Variants in RHEX observed in about 807,000 individuals in gnomAD.
RHEX encodes the protein regulator of hemoglobinization and erythroid cell expansion, also known as regulator of hemoglobinization and erythroid cell expansion protein.
A neutral mutation model predicts 20.1 loss-of-function variants in RHEX; 18 were observed. That is an observed-to-expected ratio of 0.90 (90% CI 0.62 to 1.33). The LOEUF is 1.33. Ranked by LOEUF, RHEX falls within the 40% of genes most tolerant of loss-of-function variation. The probability of loss-of-function intolerance (pLI) is 0.00; values close to 1 mark genes in which losing one functional copy is unlikely to be tolerated. For synonymous variants in RHEX, 87 were observed against 77.1 expected (o/e 1.13, Z -0.67); for missense variants, 192 against 214.3 (o/e 0.90, Z 0.65).
chr1:206,086,005 G>T (rs1662830830), intron 1 of RHEX, among the ~76,000 whole-genome samples: 1 of 152,148 alleles, frequency 6.6e-6, no homozygotes, highest in Admixed American at 6.5e-5. Flanking sequence ...GAGAATGAAG[G>T]TGATCCTGTA....
At chr1:206,079,053 C>A (rs1178461949) in intron 1 of RHEX, among the ~76,000 whole-genome samples, 1 of 148,838 alleles carries the variant, frequency 6.7e-6, no homozygotes, top group African/African-American at 2.6e-5. Context: ...AGCAAGTTAA[C>A]CCCCCCAGTC....
intron 1 of RHEX, among the ~76,000 whole-genome samples, chr1:206,093,879 C>G (rs1663010717): frequency 6.6e-6 from 1 of 152,104 alleles, no homozygotes; most frequent in African/African-American, 2.4e-5. Flanking sequence ...GGGTTTTACT[C>G]TGTCACCCAG....
intron 1 of RHEX, among the ~76,000 whole-genome samples, chr1:206,096,056 T>C (rs28529450): frequency 0.17 from 26,197 of 152,054 alleles, 3,069 homozygotes; most frequent in African/African-American, 0.33. Context: ...TCTTGACCTC[T>C]TAGACTCAAA....
chr1:206,085,112 A>G (rs1180817365), intron 1 of RHEX, among the ~76,000 whole-genome samples: 1 of 152,186 alleles, frequency 6.6e-6, no homozygotes, highest in African/African-American at 2.4e-5. Context: ...AGTCAAATAA[A>G]GAGACATTTG....
intron 1 of RHEX, among the ~76,000 whole-genome samples, chr1:206,089,796 A>T (rs1375158354): frequency 1.3e-5 from 2 of 152,030 alleles, no homozygotes; most frequent in African/African-American, 4.8e-5. Flanking sequence ...TTTAAAGCCA[A>T]ATCTATTTTT....
intron 3 of RHEX, among the ~76,000 whole-genome samples, chr1:206,098,874 CAAACAAGAT>C (rs1553288053): frequency 6.6e-6 from 1 of 152,140 alleles, no homozygotes; most frequent in Admixed American, 6.6e-5. Flanking sequence ...CATGTGACAA[CAAACAAGAT>C]AAACAAGTAA....
At chr1:206,059,014 C>A (rs1439175011) in intron 1 of RHEX, among the ~76,000 whole-genome samples, 3 of 152,082 alleles carry the variant, frequency 2.0e-5, no homozygotes, top group African/African-American at 7.2e-5. Flanking sequence ...GCCTTTCTGG[C>A]CCTGGATAGA....
chr1:206,064,367 C>T (rs1662374589), intron 1 of RHEX, among the ~76,000 whole-genome samples: 1 of 138,532 alleles, frequency 7.2e-6, no homozygotes, highest in African/African-American at 2.9e-5. Flanking sequence ...GCCTAGCCAG[C>T]TGCCCCGTCC....
chr1:206,099,778 T>C lies in RHEX; in HGVS notation c.236T>C (p.Met79Thr), dbSNP rs149451412. The C allele has an allele frequency of 3.9e-4, 636 of 1,614,036 alleles. 2 individuals are homozygous for C. Among genetic ancestry groups the C allele is most frequent in the South Asian group, 2.1e-3 (193 of 91,064 alleles). The change falls in exon 4 of 6, where the codon ATG becomes ACG. Residue 79 changes from methionine (M) to threonine (T), a missense_variant. Physicochemically the swap from Met to Thr is moderately conservative, Grantham distance 81. Transcript: ENST00000331555. ...KETQTERDIP[M>T]SDSLYRHDSD... Reference sequence around the variant, plus strand: ...ACTCAGACAGAGAGAGACATCCCAATGTCTGATTCCCTTTACAGGCGTGAG... The same window carrying C: ...ACTCAGACAGAGAGAGACATCCCAACGTCTGATTCCCTTTACAGGCGTGAG...
At chr1:206,071,345 G>A (rs1287086609) in intron 1 of RHEX, among the ~76,000 whole-genome samples, 1 of 152,076 alleles carries the variant, frequency 6.6e-6, no homozygotes, top group Non-Finnish European at 1.5e-5. Flanking sequence ...GATTAGATGG[G>A]TCCACCCGGA....
chr1:206,101,323 T>C (rs1663182565), intron 5 of RHEX, 126 bp downstream of exon 5: 3 of 745,882 alleles, frequency 4.0e-6, no homozygotes, highest in Non-Finnish European at 6.8e-6. Context: ...TCTTGAGTCA[T>C]CACAGCATCC....
intron 1 of RHEX, chr1:206,062,237 C>T (rs1042814966): frequency 5.9e-5 from 9 of 152,268 alleles, no homozygotes; most frequent in East Asian, 5.8e-4. Flanking sequence ...AAAAATAAAA[C>T]GTAAAACATA....
chr1:206,070,570 C>T (rs1478496508), intron 1 of RHEX, among the ~76,000 whole-genome samples: 1 of 152,196 alleles, frequency 6.6e-6, no homozygotes, highest in East Asian at 1.9e-4. Context: ...GGAAATGAGG[C>T]TCACTTGCTC....
intron 1 of RHEX, among the ~76,000 whole-genome samples, chr1:206,096,596 A>C (rs1436254991): frequency 1.3e-5 from 2 of 152,252 alleles, no homozygotes; most frequent in African/African-American, 2.4e-5. Context: ...GGGCTTATCC[A>C]AAATTAGACA....
intron 1 of RHEX, among the ~76,000 whole-genome samples, chr1:206,066,607 G>GCACC (rs1662427642): frequency 6.6e-6 from 1 of 152,132 alleles, no homozygotes; most frequent in South Asian, 2.1e-4. Flanking sequence ...ACAAGAGAGA[G>GCACC]ACTCTGTCTC....
rs996652135 is a variant in RHEX, at chr1:206,067,301, C to T, written c.-97+14036C>T. Reference sequence around the variant, plus strand: ...ACAGGGGACTCCAGAACGTGATTCCCGGTCTCTCCACCTTAATCCTGTCAT... The same window carrying T: ...ACAGGGGACTCCAGAACGTGATTCCTGGTCTCTCCACCTTAATCCTGTCAT... On this transcript the variant is annotated intron_variant, in intron 1 of 5. Coordinates refer to ENST00000331555, the MANE Select transcript of RHEX (RefSeq NM_001007544.4). The surrounding 1 kb of genome is among the most constrained non-coding windows in gnomAD (Gnocchi z 4.6). Among the ~76,000 whole-genome samples the T allele has an allele frequency of 1.3e-5, 2 of 152,244 alleles. No homozygotes were observed. Among genetic ancestry groups the T allele is most frequent in the Admixed American group, 6.5e-5 (1 of 15,296 alleles).
intron 1 of RHEX, among the ~76,000 whole-genome samples, chr1:206,066,597 A>G (rs1662427402): frequency 6.6e-6 from 1 of 152,198 alleles, no homozygotes; most frequent in Non-Finnish European, 1.5e-5. Flanking sequence ...AGCCTGGGCA[A>G]CAAGAGAGAG....
At chr1:206,063,640 A>T (rs1210599552) in intron 1 of RHEX, among the ~76,000 whole-genome samples, 12 of 152,360 alleles carry the variant, frequency 7.9e-5, no homozygotes, top group African/African-American at 2.9e-4. Context: ...GTCATCCGCC[A>T]GCCTCGGCCT....
intron 1 of RHEX, among the ~76,000 whole-genome samples, chr1:206,093,196 G>C (rs1339758265): frequency 1.3e-5 from 2 of 152,002 alleles, no homozygotes; most frequent in Admixed American, 6.6e-5. Context: ...AAAGTTTACA[G>C]CTACTTCATT....
Sources: allele counts gnomAD v4.1 joint callset (sites outside exome capture counted in the v4.1 genomes callset), GRCh38; gene constraint gnomAD v4.1.1; non-coding constraint Gnocchi (gnomAD v3.1); transcripts MANE v1.5; gene names NCBI Gene and HGNC (gene_info 2026-07-23, HGNC 2026-07-21).